The following CCDC7 variants were observed in gnomAD, a reference collection of about 807,000 sequenced individuals.
CCDC7 encodes coiled-coil domain-containing protein 7.
CCDC7 carries 183 observed loss-of-function variants against 196.9 expected under a neutral mutation model. The observed-to-expected ratio is 0.93, with a 90% CI of 0.82 to 1.05. The LOEUF (loss-of-function observed/expected upper bound fraction) is 1.05. Among genes scored for constraint, CCDC7 ranks in the 50% least tolerant of loss-of-function variants. The pLI is 0.00. For synonymous variants in CCDC7, 525 were observed against 484.6 expected, an observed-to-expected ratio of 1.08 and a Z score of -1.10; for missense variants, 1,540 against 1,482.2, an observed-to-expected ratio of 1.04 and a Z score of -0.64.
chr10:32,793,713 A>G (rs550332515), intron 29 of CCDC7, among the ~76,000 whole-genome samples: 2 of 152,326 alleles, frequency 1.3e-5, no homozygotes, highest in African/African-American at 4.8e-5. Context: ...ATGTGTTAAT[A>G]CAATTTCCAA....
At chr10:32,609,235 G>C (rs1270600659) in intron 18 of CCDC7, among the ~76,000 whole-genome samples, 1 of 152,050 alleles carries the variant, frequency 6.6e-6, no homozygotes. Context: ...TGGCATTAGA[G>C]TCGATCTTTA....
intron 32 of CCDC7, among the ~76,000 whole-genome samples, chr10:32,834,340 C>T (rs1412304682): frequency 6.6e-6 from 1 of 152,024 alleles, no homozygotes; most frequent in Non-Finnish European, 1.5e-5. Context: ...GACCATAGTT[C>T]ACAAGTTGAC....
At chr10:32,816,930 T>A (rs1267465333) in intron 31 of CCDC7, among the ~76,000 whole-genome samples, 1 of 151,908 alleles carries the variant, frequency 6.6e-6, no homozygotes, top group Non-Finnish European at 1.5e-5. Flanking sequence ...TCAGAGTGCC[T>A]CTCCTCCTCC....
chr10:32,601,491 G>A (rs1479860152), intron 18 of CCDC7, among the ~76,000 whole-genome samples: 3 of 152,220 alleles, frequency 2.0e-5, no homozygotes, highest in African/African-American at 7.2e-5. Flanking sequence ...TTTTTGTGGG[G>A]AGTTTGGGAG....
intron 18 of CCDC7, among the ~76,000 whole-genome samples, chr10:32,625,070 T>G (rs2063849215): frequency 6.6e-6 from 1 of 150,828 alleles, no homozygotes; most frequent in African/African-American, 2.4e-5. Flanking sequence ...TGCCAGTGAT[T>G]TTGGTGTCCT....
intron 11 of CCDC7, among the ~76,000 whole-genome samples, chr10:32,527,019 G>A (rs931285243): frequency 6.6e-6 from 1 of 152,134 alleles, no homozygotes; most frequent in Non-Finnish European, 1.5e-5. Context: ...TGCCTTTCAA[G>A]TGTACCTGGG....
chr10:32,861,731 A>C (rs113746378), intron 41 of CCDC7, among the ~76,000 whole-genome samples: 3 of 151,986 alleles, frequency 2.0e-5, no homozygotes, highest in Non-Finnish European at 4.4e-5. Context: ...CAAGAAAAAA[A>C]AATCCCATCA....
chr10:32,499,533 TGGGAGAGGGTGAC>T (rs1288427720), intron 9 of CCDC7, among the ~76,000 whole-genome samples: 1 of 152,162 alleles, frequency 6.6e-6, no homozygotes, highest in Non-Finnish European at 1.5e-5. Flanking sequence ...ATGGTCATTA[TGGGAGAGGGTGAC>T]GGGAGAAAGG....
intron 24 of CCDC7, among the ~76,000 whole-genome samples, chr10:32,705,306 C>T (rs558416100): frequency 8.7e-4 from 132 of 152,186 alleles, no homozygotes; most frequent in African/African-American, 3.1e-3. Flanking sequence ...CTTACAAAAG[C>T]TCCTGAAGGA....
intron 13 of CCDC7, 131 bp from the exon 15 acceptor site, chr10:32,565,427 A>G: frequency 1.2e-6 from 1 of 808,530 alleles, no homozygotes; most frequent in Non-Finnish European, 1.9e-6. Context: ...CACTTGAGAG[A>G]TGTGCAGTTC....
chr10:32,487,489 G>A lies in CCDC7; in HGVS notation c.797-4433G>A, dbSNP rs536912185. On this transcript the variant is annotated intron_variant, in intron 8 of 41. Coordinates refer to ENST00000639629, the Ensembl canonical transcript of CCDC7. ...TGAAGCCTTCTTCTCTCAACTCGTC[G>A]AAGTCATTCTCCGTCCAGCTTTGTT... Among the ~76,000 whole-genome samples the A allele has an allele frequency of 7.9e-5, 12 of 152,204 alleles. No homozygotes were observed. The East Asian group carries it at 9.7e-4, about 12-fold the overall frequency.
At chr10:32,759,325 G>C (rs573311986) in intron 28 of CCDC7, among the ~76,000 whole-genome samples, 3 of 152,062 alleles carry the variant, frequency 2.0e-5, no homozygotes, top group Non-Finnish European at 4.4e-5. Context: ...GAGGCATCAC[G>C]CTACCTGACT....
intron 13 of CCDC7, among the ~76,000 whole-genome samples, chr10:32,553,954 T>C (rs573278938): frequency 3.3e-5 from 5 of 152,304 alleles, no homozygotes; most frequent in Admixed American, 2.6e-4. Context: ...GGGGCAGGGC[T>C]AGGTGTGGCT....
chr10:32,817,874 G>T (rs144642718), intron 31 of CCDC7, among the ~76,000 whole-genome samples: 12,683 of 152,088 alleles, frequency 0.083, 623 homozygotes, highest in Non-Finnish European at 0.12. Context: ...TACCAGCCAC[G>T]GCAAAAACAT....
intron 21 of CCDC7, among the ~76,000 whole-genome samples, chr10:32,678,559 C>T (rs755283759): frequency 2.0e-5 from 3 of 152,076 alleles, no homozygotes; most frequent in Admixed American, 2.0e-4. Flanking sequence ...TCTGACCACC[C>T]CTCTTCCTGC....
chr10:32,472,856 A>C (rs1295572640), intron 7 of CCDC7, among the ~76,000 whole-genome samples: 1 of 151,802 alleles, frequency 6.6e-6, no homozygotes, highest in Non-Finnish European at 1.5e-5. Flanking sequence ...TCGGGCTCCT[A>C]AAATGTTGGG....
At chr10:32,641,688 C>T (rs534487181) in intron 20 of CCDC7, among the ~76,000 whole-genome samples, 18 of 152,204 alleles carry the variant, frequency 1.2e-4, no homozygotes, top group Non-Finnish European at 2.2e-4. Context: ...TGTTCCGTTG[C>T]TGGTGAGGAG....
At chr10:32,644,172 G>A (rs1036290570) in intron 20 of CCDC7, among the ~76,000 whole-genome samples, 3 of 151,938 alleles carry the variant, frequency 2.0e-5, no homozygotes, top group Non-Finnish European at 2.9e-5. Context: ...CATATATATC[G>A]CTAGAAGAAC....
chr10:32,748,209 T>A (rs994619570), intron 28 of CCDC7, among the ~76,000 whole-genome samples: 1 of 152,112 alleles, frequency 6.6e-6, no homozygotes, highest in Non-Finnish European at 1.5e-5. Flanking sequence ...TGGGGCCTAC[T>A]TGAGGGTGGA....
Sources: allele counts gnomAD v4.1 joint callset (sites outside exome capture counted in the v4.1 genomes callset), GRCh38; gene constraint gnomAD v4.1.1; transcripts MANE v1.5; gene names NCBI Gene and HGNC (gene_info 2026-07-23, HGNC 2026-07-21).